Variants in TMEM235 observed in about 807,000 individuals in gnomAD.
TMEM235 encodes transmembrane protein 235, also known as claudin-27.
Under a neutral mutation model 22.9 loss-of-function variants are expected in TMEM235, and 23 were observed. The ratio of observed to expected loss-of-function variants is 1.00; its 90% confidence interval spans 0.72 to 1.42. The LOEUF (loss-of-function observed/expected upper bound fraction) is 1.42. TMEM235 is among the 40% of genes most tolerant of loss of function. TMEM235 has a pLI of 0.00. For synonymous variants in TMEM235, 137 were observed against 140.5 expected (o/e 0.98, Z 0.17); for missense variants, 308 against 299.5 (o/e 1.03, Z -0.21).
chr17:78,234,650 G>T lies in TMEM235; in HGVS notation c.329G>T (p.Gly110Val), dbSNP rs775409097. The change falls in exon 4 of 6, where the codon GGC becomes GTC. Residue 110 changes from glycine to valine, a missense_variant. By Grantham distance (109) the Gly-to-Val change is moderately radical. Around this residue, in one of 2 missense-constraint regions of TMEM235, gnomAD observed 285 missense variants for 256.2 expected, o/e 1.11. Coordinates refer to ENST00000421688, the Ensembl canonical transcript of TMEM235. ...CTGAGCCTGGTCCTTCTCGTGTGTG[G>T]CTGGATCTGCGGCCTGCTCAGCTCC... is the stretch of plus-strand genomic sequence containing the variant. 2.0e-5 allele frequency: 30 copies of T among 1,536,200 alleles called. 1 individual carries two copies. In the South Asian group the frequency reaches 3.4e-4, roughly 18 times the overall value.
Position 78,232,707 on chromosome 17 carries a change from G to A in TMEM235, c.190+494G>A, listed in dbSNP as rs960903194. Among the ~76,000 whole-genome samples, 4 of 151,102 alleles carry A rather than the reference G, an allele frequency of 2.6e-5. No homozygotes were observed. The East Asian group carries it at 7.7e-4, about 29-fold the overall frequency. ...GAGAAGGGGATCCCAGCAGGCTGGA[G>A]GGTCCACAGGGCCCCCTCCGTTCCC... On this transcript the variant is annotated intron_variant, in intron 2 of 5. Coordinates refer to ENST00000421688, the Ensembl canonical transcript of TMEM235.
rs1010612460 is a variant in TMEM235 at position 78,237,071 on chromosome 17, C to T, written c.410-1953C>T. On this transcript the variant is annotated intron_variant, in intron 4 of 5. Coordinates refer to ENST00000421688, the Ensembl canonical transcript of TMEM235. This position sits in a 1 kb window ranked among gnomAD's most constrained non-coding sequence, Gnocchi z 4.7. The stretch of plus-strand genomic sequence containing the variant: ...GCATTGTGCCTGGGAGCGAAGGCAC[C>T]GGCTAGGGGGTGGAGGGGCCGGAGG... Among the ~76,000 whole-genome samples the T allele has an allele frequency of 1.1e-4, 17 of 152,020 alleles. No individual in the cohort carries two copies. The highest frequency in any genetic ancestry group is 3.9e-4 in the African/African-American group (16 of 41,308).
intron 4 of TMEM235, among the ~76,000 whole-genome samples, chr17:78,236,175 G>A (rs535944434): frequency 2.0e-5 from 3 of 152,188 alleles, no homozygotes; most frequent in South Asian, 2.1e-4. Flanking sequence ...TTCTTGGTGC[G>A]GGGGGCATGA....
At position 78,237,548 on chromosome 17, in the gene TMEM235, G is replaced by T. The variant is rs960430585; in HGVS notation, c.410-1476G>T. 6.6e-6 allele frequency among the ~76,000 whole-genome samples: 1 copy of T among 152,138 alleles called. No homozygotes were observed. Among genetic ancestry groups the T allele is most frequent in the Non-Finnish European group, 1.5e-5 (1 of 68,014 alleles). On this transcript the variant is annotated intron_variant, in intron 4 of 5. Coordinates refer to ENST00000421688, the Ensembl canonical transcript of TMEM235. This position sits in a 1 kb window ranked among gnomAD's most constrained non-coding sequence, Gnocchi z 4.7. ...GGAGAAAGGCCGTGTCCTCGGCCAGGCTACAGGAGGCAGCTGGTGTTTGGA... is the reference window on the plus strand; with the variant it reads ...GGAGAAAGGCCGTGTCCTCGGCCAGTCTACAGGAGGCAGCTGGTGTTTGGA...
chr17:78,233,594 C>T (rs1230829732), intron 2 of TMEM235, among the ~76,000 whole-genome samples: 1 of 151,686 alleles, frequency 6.6e-6, no homozygotes, highest in African/African-American at 2.4e-5. Context: ...ACTTGGGAGG[C>T]TGAGGCAGGA....
At chr17:78,239,411 G>A in intron 5 of TMEM235, 138 bp downstream of exon 4, 1 of 1,089,972 alleles carries the variant, frequency 9.2e-7, no homozygotes, top group South Asian at 1.7e-5. Flanking sequence ...ACAAGGGGTG[G>A]AGGGCAGAGC....
At chr17:78,231,933 C>T (rs556227458) in exon 2 of TMEM235, 17 of 997,022 alleles carry the variant, frequency 1.7e-5, no homozygotes, top group African/African-American at 8.8e-5. Flanking sequence ...CGCCCGCCCG[C>T]CCCCCGTCCC....
chr17:78,234,081 C>T (rs570224607), intron 3 of TMEM235, 106 bp downstream of exon 2: 37 of 1,064,932 alleles, frequency 3.5e-5, no homozygotes, highest in Admixed American at 1.1e-4. Context: ...ACTGCCCCTG[C>T]GTTTCCAAGA....
intron 2 of TMEM235, among the ~76,000 whole-genome samples, chr17:78,232,701 G>A (rs1486583808): frequency 4.0e-5 from 6 of 150,942 alleles, no homozygotes; most frequent in Admixed American, 3.3e-4. Flanking sequence ...ATCCCAGCAG[G>A]CTGGAGGGTC....
exon 6 of TMEM235, chr17:78,240,879 T>C (rs1277192071): frequency 6.6e-6 from 1 of 152,204 alleles, no homozygotes. Context: ...CTTAAGTAAA[T>C]CACTTGTGCT....
In TMEM235 at chr17:78,237,062, C is replaced by A. The variant is rs1003142579; in HGVS notation, c.410-1962C>A. The stretch of plus-strand genomic sequence containing the variant: ...GGACCCTCTGCATTGTGCCTGGGAG[C>A]GAAGGCACCGGCTAGGGGGTGGAGG... On this transcript the variant is annotated intron_variant, in intron 4 of 5. Transcript: ENST00000421688. The surrounding 1 kb of genome is among the most constrained non-coding windows in gnomAD (Gnocchi z 4.7). 6.6e-6 allele frequency among the ~76,000 whole-genome samples: 1 copy of A among 152,028 alleles called. No individual in the cohort carries two copies. Among genetic ancestry groups the A allele is most frequent in the South Asian group, 2.1e-4 (1 of 4,822 alleles).
At chr17:78,240,197 C>T (rs1479069606) in exon 6 of TMEM235, 1 of 641,002 alleles carries the variant, frequency 1.6e-6, no homozygotes, top group East Asian at 5.9e-5. Flanking sequence ...GATGGAAGTC[C>T]CAGAAGGGTG....
intron 2 of TMEM235, among the ~76,000 whole-genome samples, chr17:78,232,594 G>T (rs980977172): frequency 6.6e-6 from 1 of 152,234 alleles, no homozygotes; most frequent in Non-Finnish European, 1.5e-5. Context: ...TCCCTGTCAG[G>T]CACTGTCAGA....
rs1599046920 is a variant in TMEM235, at chr17:78,238,583, T to A, written c.410-441T>A. Among the ~76,000 whole-genome samples, 1 of 146,556 alleles carries A rather than the reference T, an allele frequency of 6.8e-6. No homozygotes were observed. Among genetic ancestry groups the A allele is most frequent in the Middle Eastern group, 3.4e-3 (1 of 292 alleles). On this transcript the variant is annotated intron_variant, in intron 4 of 5. Transcript: ENST00000421688. This position sits in a 1 kb window ranked among gnomAD's most constrained non-coding sequence, Gnocchi z 4.3. ...GTGTGTGTGTGTGTGTGTGTGTGTG[T>A]GTGAATGTGTGCAAATGTGTTCGTG...
rs750495355 is a variant in TMEM235 at position 78,238,585 on chromosome 17, T to TGTGTGTGAGA, written c.410-438_410-437insTGTGTGAGAG. On this transcript the variant is annotated intron_variant, in intron 4 of 5. Coordinates refer to ENST00000421688, the Ensembl canonical transcript of TMEM235. The surrounding 1 kb of genome is among the most constrained non-coding windows in gnomAD (Gnocchi z 4.3). ...GTGTGTGTGTGTGTGTGTGTGTGTG[T>TGTGTGTGAGA]GAATGTGTGCAAATGTGTTCGTGTA... is the stretch of plus-strand genomic sequence containing the variant. Among the ~76,000 whole-genome samples, 24 of 142,914 alleles carry TGTGTGTGAGA rather than the reference T, an allele frequency of 1.7e-4. No individual in the cohort carries two copies. Among genetic ancestry groups the TGTGTGTGAGA allele is most frequent in the Non-Finnish European group, 2.7e-4 (18 of 66,008 alleles). The allele number at this position is 142,914 out of a possible 152,430, so 93.8% of individuals were successfully genotyped here. A position where few individuals can be genotyped will look rare whatever the true frequency, so the allele number is the denominator to read the frequency against.
intron 2 of TMEM235, among the ~76,000 whole-genome samples, 179 bp from the exon 2 acceptor site, chr17:78,233,712 AAAAG>A (rs1306900496): frequency 1.3e-5 from 2 of 151,856 alleles, no homozygotes; most frequent in African/African-American, 2.4e-5. Context: ...AAAAAAAAGA[AAAAG>A]AAAATAAACA....
At chr17:78,231,570 C>T in exon 2 of TMEM235, 1 of 1,304,180 alleles carries the variant, frequency 7.7e-7, no homozygotes, top group Non-Finnish European at 1.0e-6. Context: ...GTGGGTGGTC[C>T]TGCTGCCTGG....
exon 2 of TMEM235, chr17:78,232,017 C>A: frequency 2.4e-6 from 3 of 1,273,248 alleles, no homozygotes; most frequent in Non-Finnish European, 3.0e-6. Context: ...TCCCGCCGGC[C>A]GCCCCCATGG....
At chr17:78,239,144 C>G in exon 5 of TMEM235, 1 of 1,542,824 alleles carries the variant, frequency 6.5e-7, no homozygotes, top group African/African-American at 1.4e-5. Flanking sequence ...TTCGGCTGGT[C>G]CATGGCCCTG....
Sources: allele counts gnomAD v4.1 joint callset (sites outside exome capture counted in the v4.1 genomes callset), GRCh38; gene constraint gnomAD v4.1.1; regional missense constraint gnomAD v4.1.1; non-coding constraint Gnocchi (gnomAD v3.1); transcripts MANE v1.5; gene names NCBI Gene and HGNC (gene_info 2026-07-23, HGNC 2026-07-21).